The following SHISA9 variants were observed in gnomAD, a reference collection of about 807,000 sequenced individuals.
SHISA9 encodes the protein protein shisa-9.
In SHISA9, 13 loss-of-function variants were observed where a neutral mutation model predicts 38.0. That is an observed-to-expected ratio of 0.34 (90% CI 0.22 to 0.54). The LOEUF (loss-of-function observed/expected upper bound fraction) is 0.54. Among genes scored for constraint, SHISA9 ranks in the 20% least tolerant of loss-of-function variants. The pLI is 0.91. For synonymous variants in SHISA9, 275 were observed against 242.0 expected (o/e 1.14, Z -1.27); for missense variants, 538 against 575.8 (o/e 0.93, Z 0.67).
intron 4 of SHISA9, among the ~76,000 whole-genome samples, chr16:13,213,568 G>A (rs2051140453): frequency 6.6e-6 from 1 of 152,134 alleles, no homozygotes; most frequent in African/African-American, 2.4e-5. Flanking sequence ...GAGAAATCAT[G>A]CCAGGTAAGG....
At chr16:13,292,845 G>A in the SHISA9 span, among the ~76,000 whole-genome samples, 1 of 152,280 alleles carries the variant, frequency 6.6e-6, no homozygotes, top group Non-Finnish European at 1.5e-5. Flanking sequence ...ACATCCAGTT[G>A]AATGAGGGCA....
the SHISA9 span, among the ~76,000 whole-genome samples, chr16:13,265,913 C>A: frequency 2.0e-5 from 3 of 152,076 alleles, no homozygotes; most frequent in East Asian, 1.9e-4. Flanking sequence ...ACACTGAAAT[C>A]AATTTCCTAA....
intron 2 of SHISA9, among the ~76,000 whole-genome samples, chr16:13,077,564 A>C (rs948287027): frequency 3.9e-5 from 6 of 151,990 alleles, no homozygotes; most frequent in African/African-American, 1.5e-4. Context: ...TTCTTAGAAA[A>C]CTGGGGGATG....
At chr16:13,038,675 G>A (rs2073100969) in intron 2 of SHISA9, among the ~76,000 whole-genome samples, 2 of 152,248 alleles carry the variant, frequency 1.3e-5, no homozygotes, top group South Asian at 2.1e-4. Flanking sequence ...ACATCACCCT[G>A]TATGTTTCTT....
chr16:13,307,485 A>G, the SHISA9 span, among the ~76,000 whole-genome samples: 4 of 152,284 alleles, frequency 2.6e-5, no homozygotes, highest in African/African-American at 9.6e-5. Flanking sequence ...CCTGTTCTGT[A>G]TCTGCTGTAG....
the SHISA9 span, among the ~76,000 whole-genome samples, chr16:13,441,372 A>G: frequency 4.6e-5 from 7 of 152,322 alleles, no homozygotes; most frequent in South Asian, 1.5e-3. Context: ...TGAGAGCAAG[A>G]GTTTAACTTA....
intron 2 of SHISA9, among the ~76,000 whole-genome samples, chr16:13,156,530 C>T (rs989422679): frequency 3.3e-5 from 5 of 151,870 alleles, no homozygotes; most frequent in Non-Finnish European, 5.9e-5. Flanking sequence ...GTCGGGAGAT[C>T]GAGACCATCT....
At chr16:13,264,778 A>C in the SHISA9 span, among the ~76,000 whole-genome samples, 1 of 152,238 alleles carries the variant, frequency 6.6e-6, no homozygotes, top group South Asian at 2.1e-4. Flanking sequence ...ATCTTGGGGA[A>C]AGAATTCACC....
intron 4 of SHISA9, among the ~76,000 whole-genome samples, chr16:13,228,280 G>A (rs2051298450): frequency 6.6e-6 from 1 of 152,204 alleles, no homozygotes; most frequent in African/African-American, 2.4e-5. Context: ...CCAGCTCAGA[G>A]TTAGGTTAGG....
intron 2 of SHISA9, among the ~76,000 whole-genome samples, chr16:13,013,762 C>G (rs1329736535): frequency 6.6e-6 from 1 of 151,938 alleles, no homozygotes; most frequent in Non-Finnish European, 1.5e-5. Context: ...GAGTCTCGCT[C>G]TGTCGCCCAG....
chr16:13,441,895 G>T, the SHISA9 span, among the ~76,000 whole-genome samples: 1 of 152,166 alleles, frequency 6.6e-6, no homozygotes, highest in Non-Finnish European at 1.5e-5. Flanking sequence ...CCAACCCAAA[G>T]GGATGTGCTG....
chr16:13,331,648 T>G, the SHISA9 span: 1 of 152,178 alleles, frequency 6.6e-6, no homozygotes, highest in Non-Finnish European at 1.5e-5. Context: ...TCCCCCTCCT[T>G]GGCTTCAACA....
At chr16:13,511,201 C>T in the SHISA9 span, among the ~76,000 whole-genome samples, 19,352 of 152,160 alleles carry the variant, frequency 0.13, 1,676 homozygotes, top group African/African-American at 0.24. Context: ...TGTACTTCTC[C>T]ATAAATTCTT....
chr16:12,961,067 G>A (rs1256325237), intron 2 of SHISA9, among the ~76,000 whole-genome samples: 4 of 151,996 alleles, frequency 2.6e-5, no homozygotes, highest in South Asian at 2.1e-4. Context: ...AGGGAATTTG[G>A]TCAGGGGTCA....
At chr16:12,961,094 T>C (rs2071905899) in intron 2 of SHISA9, among the ~76,000 whole-genome samples, 2 of 152,144 alleles carry the variant, frequency 1.3e-5, no homozygotes, top group East Asian at 1.9e-4. Flanking sequence ...AGGGGACGTT[T>C]TCCTGGGGAA....
At chr16:13,013,459 G>C (rs902546297) in intron 2 of SHISA9, among the ~76,000 whole-genome samples, 1 of 152,172 alleles carries the variant, frequency 6.6e-6, no homozygotes, top group Non-Finnish European at 1.5e-5. Context: ...AGGGATTCAT[G>C]GGTTGTCAAT....
the SHISA9 span, among the ~76,000 whole-genome samples, chr16:13,269,381 T>G: frequency 1.3e-5 from 2 of 152,248 alleles, no homozygotes; most frequent in African/African-American, 4.8e-5. Context: ...ATGGGGGACA[T>G]ACAGGAATAA....
intron 2 of SHISA9, among the ~76,000 whole-genome samples, chr16:12,988,670 G>GC (rs1567173966): frequency 6.6e-6 from 1 of 151,658 alleles, no homozygotes; most frequent in Non-Finnish European, 1.5e-5. Context: ...GATTATAGGC[G>GC]CCCCCCAACC....
intron 2 of SHISA9, among the ~76,000 whole-genome samples, chr16:12,951,144 C>G (rs770010042): frequency 7.4e-6 from 1 of 135,260 alleles, no homozygotes; most frequent in Non-Finnish European, 1.5e-5. Context: ...TTGCTTGAAC[C>G]CAGGAGGTGG....
Sources: gnomAD v4.1 joint callset for allele counts (sites outside exome capture counted in the v4.1 genomes callset) on GRCh38, gnomAD v4.1.1 for gene constraint, MANE v1.5 for transcripts, NCBI Gene and HGNC (gene_info 2026-07-23, HGNC 2026-07-21) for gene names.